The following GOLGA3 variants were observed in gnomAD, a reference collection of about 807,000 sequenced individuals.
The protein encoded by GOLGA3 is golgin A3.
GOLGA3 carries 75 observed loss-of-function variants against 169.4 expected under a neutral mutation model. The ratio of observed to expected loss-of-function variants is 0.44; its 90% CI spans 0.37 to 0.54. The LOEUF is 0.54. GOLGA3 is among the 20% of genes least tolerant of loss of function. GOLGA3 has a pLI of 0.00. For missense variants in GOLGA3, 1,899 were observed against 1,930.0 expected, an observed-to-expected ratio of 0.98 and a Z score of 0.30; for synonymous variants, 824 against 822.4, an observed-to-expected ratio of 1.00 and a Z score of -0.03.
At chr12:132,800,238 G>A (rs754131071) in intron 8 of GOLGA3, among the ~76,000 whole-genome samples, 1 of 152,332 alleles carries the variant, frequency 6.6e-6, no homozygotes, top group South Asian at 2.1e-4. Flanking sequence ...GCTCACACCT[G>A]TAATCCCAGC....
rs1001774812 is a variant in GOLGA3, at chr12:132,804,100, C to T, written c.1597+616G>A. The stretch of plus-strand genomic sequence containing the variant: ...CCACATGGAAGCCCGCCGCGGCTTC[C>T]GCAATCCACTGCCCTACTTGTACTC... On this transcript the variant is annotated intron_variant, in intron 7 of 23. Coordinates refer to ENST00000450791, the MANE Select transcript of GOLGA3 (RefSeq NM_001389683.1). This position sits in a 1 kb window ranked among gnomAD's most constrained non-coding sequence, Gnocchi z 4.1. 9.2e-5 allele frequency among the ~76,000 whole-genome samples: 14 copies of T among 152,288 alleles called. No individual in the cohort carries two copies. Among genetic ancestry groups the T allele is most frequent in the Middle Eastern group, 6.8e-3 (2 of 294 alleles).
At chr12:132,827,260 T>A (rs1284936541) in intron 1 of GOLGA3, among the ~76,000 whole-genome samples, 2 of 152,104 alleles carry the variant, frequency 1.3e-5, no homozygotes, top group African/African-American at 4.8e-5. Flanking sequence ...CACACTAGTA[T>A]CCAAAAGTAA....
chr12:132,807,759 T>TTC, intron 5 of GOLGA3, 132 bp downstream of exon 5: 3 of 448,532 alleles, frequency 6.7e-6, no homozygotes, highest in South Asian at 2.6e-5. Context: ...TGCCCGTCTC[T>TTC]GCCCACCCCG....
chr12:132,788,348 C>G (rs1012504020), intron 13 of GOLGA3, among the ~76,000 whole-genome samples: 1 of 152,188 alleles, frequency 6.6e-6, no homozygotes, highest in East Asian at 1.9e-4. Flanking sequence ...TGCCATCAGA[C>G]GACTCTCCCC....
chr12:132,783,083 C>T (rs576033931), intron 16 of GOLGA3, among the ~76,000 whole-genome samples: 47 of 152,146 alleles, frequency 3.1e-4, no homozygotes, highest in African/African-American at 1.1e-3. Context: ...GTAGTTCCAG[C>T]TACTCAGGAG....
rs774158186 is a variant in GOLGA3, at chr12:132,784,318, A to T, written c.3124-11T>A. On this transcript the variant is annotated splice_polypyrimidine_tract_variant and intron_variant, in intron 15 of 23. Transcript: ENST00000450791. ...GGCCTGGATCCTTTCCTAAGGGCCA[A>T]GATGGAACGGGCGCTTGGTCATGGG... 3 of 1,601,174 alleles carry T rather than the reference A, an allele frequency of 1.9e-6. No individual in the cohort carries two copies. In the African/African-American group the frequency reaches 4.0e-5, roughly 21 times the overall value.
intron 2 of GOLGA3, among the ~76,000 whole-genome samples, chr12:132,819,171 C>T (rs891198560): frequency 6.6e-6 from 1 of 152,052 alleles, no homozygotes; most frequent in Non-Finnish European, 1.5e-5. Flanking sequence ...TCACAGGGGT[C>T]AGCATTCCTC....
intron 3 of GOLGA3, among the ~76,000 whole-genome samples, chr12:132,814,656 TG>T (rs970252849): frequency 3.9e-5 from 6 of 152,212 alleles, no homozygotes; most frequent in African/African-American, 1.4e-4. Flanking sequence ...GGCTGAAGCC[TG>T]GCGCCAGGCC....
At position 132,816,533 on chromosome 12, in the gene GOLGA3, T is replaced by C. The variant is rs762604901; in HGVS notation, c.406+7A>G. 6.2e-7 allele frequency: 1 copy of C among 1,610,682 alleles called. No individual in the cohort carries two copies. Among genetic ancestry groups the C allele is most frequent in the Non-Finnish European group, 8.5e-7 (1 of 1,177,434 alleles). On this transcript the variant is annotated splice_region_variant and intron_variant, in intron 3 of 23. Coordinates refer to ENST00000450791, the MANE Select transcript of GOLGA3 (RefSeq NM_001389683.1). ...AGGGTGGGAAAAGCGGGGTAACGGA[T>C]GCTTACACAGTTGCGTTTCTTGCAT...
rs200042844 is a variant in GOLGA3 at position 132,780,878 on chromosome 12, G to A, written c.3502C>T (p.Arg1168Cys). 7.3e-5 allele frequency: 118 copies of A among 1,612,154 alleles called. No homozygotes were observed. The highest frequency in any genetic ancestry group is 4.0e-4 in the Admixed American group (24 of 60,028). ...GCCTGGACAAGATGCTTCATCTGGC[G>A]ATCCTCCTCTTCTTTGCGCTGCAAA... is the stretch of plus-strand genomic sequence containing the variant. ...AVLQRKEEEDRQMKHLVQALQ... is the reference protein window; with the variant it reads ...AVLQRKEEEDCQMKHLVQALQ... Residue 1168 changes from arginine (R) to cysteine (C), a missense_variant, in exon 18 of 24, where the codon CGC (arginine) becomes TGC (cysteine). Coordinates refer to ENST00000450791, the MANE Select transcript of GOLGA3 (RefSeq NM_001389683.1).
chr12:132,808,636 C>T, intron 4 of GOLGA3, 87 bp from the exon 5 acceptor site: 4 of 1,032,550 alleles, frequency 3.9e-6, no homozygotes, highest in Non-Finnish European at 5.8e-6. Context: ...TGGCACCGAT[C>T]ACTACTCCCT....
Position 132,813,230 on chromosome 12 carries a change from C to T in GOLGA3, c.519+77G>A, listed in dbSNP as rs190823844. On this transcript the variant is annotated intron_variant, in intron 4 of 23. Transcript: ENST00000450791. ...AGCTCAGAGAAGCCAATGGCAGGTC[C>T]CCGGGTTATGTGGGACCAACAGTTG... 47 of 947,788 alleles carry T rather than the reference C, an allele frequency of 5.0e-5. 1 individual carries two copies. The East Asian group carries it at 9.8e-4, about 20-fold the overall frequency. The allele number at this position is 947,788 out of a possible 1,614,324, so 58.7% of individuals were successfully genotyped here.
rs775448845 is a variant in GOLGA3 at position 132,808,113 on chromosome 12, G to A, written c.956C>T (p.Ser319Leu). ...EVDGNDSDSSSYSSASTRGTY... is the reference protein window; with the variant it reads ...EVDGNDSDSSLYSSASTRGTY... ...CCCTCGGGTGGAGGCGCTGCTGTAC[G>A]ATGAGCTGTCGCTGTCATTTCCATC... Residue 319 changes from serine (S) to leucine (L), a missense_variant, in exon 5 of 24, where the codon TCG becomes TTG. Coordinates refer to ENST00000450791, the MANE Select transcript of GOLGA3 (RefSeq NM_001389683.1). 5.0e-6 allele frequency: 8 copies of A among 1,603,888 alleles called. No individual in the cohort carries two copies. The highest frequency in any genetic ancestry group is 2.2e-5 in the East Asian group (1 of 44,762).
At chr12:132,778,243 C>T (rs2045355345) in intron 18 of GOLGA3, among the ~76,000 whole-genome samples, 1 of 151,924 alleles carries the variant, frequency 6.6e-6, no homozygotes. Context: ...CGCCACTGCA[C>T]TCCAGCTGGG....
At position 132,791,717 on chromosome 12, in the gene GOLGA3, C is replaced by T. The variant is rs1246321278; in HGVS notation, c.2470-424G>A. ...CACTGAGGGCTACAGCAGGGGGACA[C>T]ATCTACACAGATGTTACACTGAGGG... On this transcript the variant is annotated intron_variant, in intron 11 of 23. Transcript: ENST00000450791. Among the ~76,000 whole-genome samples the T allele has an allele frequency of 3.2e-5, 4 of 123,434 alleles. No homozygotes were observed. The East Asian group carries it at 6.8e-4, about 21-fold the overall frequency. The allele number at this position is 123,434 out of a possible 152,430, so 81.0% of individuals were successfully genotyped here.
chr12:132,816,831 C>A lies in GOLGA3; in HGVS notation c.134-19G>T. The A allele has an allele frequency of 6.4e-7, 1 of 1,566,970 alleles. No homozygotes were observed. The highest frequency in any genetic ancestry group is 1.2e-5 in the South Asian group (1 of 85,808). ...TCGGCACCTGGAAAGACAGAGCACG[C>A]TGGACCACCATGGCTTTAACAACAA... On this transcript the variant is annotated intron_variant, in intron 2 of 23. Coordinates refer to ENST00000450791, the MANE Select transcript of GOLGA3 (RefSeq NM_001389683.1).
chr12:132,779,675 A>C, intron 18 of GOLGA3, among the ~76,000 whole-genome samples: 1 of 152,162 alleles, frequency 6.6e-6, no homozygotes, highest in East Asian at 1.9e-4. Flanking sequence ...TGTTCCTCCT[A>C]GAAATTTTCT....
intron 1 of GOLGA3, among the ~76,000 whole-genome samples, chr12:132,826,745 G>A (rs919865313): frequency 4.6e-5 from 7 of 152,118 alleles, no homozygotes; most frequent in Non-Finnish European, 5.9e-5. Flanking sequence ...TGGCAGTCTC[G>A]GTCGATTCCC....
In GOLGA3 at chr12:132,778,042, C is replaced by A. The variant is rs541997590; in HGVS notation, c.3583-237G>T. ...TATCTGTTGAATGAACACATTTATT[C>A]GAGATTTCTCGGTCTAAATAGTTTT... On this transcript the variant is annotated intron_variant, in intron 18 of 23. Transcript: ENST00000450791. Among the ~76,000 whole-genome samples, 3 of 152,302 alleles carry A rather than the reference C, an allele frequency of 2.0e-5. No individual in the cohort carries two copies. The South Asian group carries it at 6.2e-4, about 32-fold the overall frequency.
Sources: gnomAD v4.1 joint callset for allele counts (sites outside exome capture counted in the v4.1 genomes callset) on GRCh38, gnomAD v4.1.1 for gene constraint, Gnocchi (gnomAD v3.1) non-coding constraint, MANE v1.5 for transcripts, NCBI Gene and HGNC (gene_info 2026-07-23, HGNC 2026-07-21) for gene names.